The following OXR1 variants were observed in gnomAD, a reference collection of about 807,000 sequenced individuals.
The protein encoded by OXR1 is oxidation resistance 1, also known as oxidation resistance protein 1.
A neutral mutation model predicts 104.6 loss-of-function variants in OXR1; 41 were observed. That is an observed-to-expected ratio of 0.39 (90% CI 0.31 to 0.51). The LOEUF is 0.51. Ranked by LOEUF, OXR1 falls within the 20% of genes least tolerant of loss-of-function variation. The probability of loss-of-function intolerance (pLI) is 0.77; values close to 1 mark genes in which losing one functional copy is unlikely to be tolerated. For missense variants in OXR1, 955 were observed against 1,031.9 expected, an observed-to-expected ratio of 0.93 and a Z score of 1.02; for synonymous variants, 348 against 348.4, an observed-to-expected ratio of 1.00 and a Z score of 0.01.
chr8:106,432,950 A>G (rs1038328473), intron 2 of OXR1, among the ~76,000 whole-genome samples: 2 of 152,142 alleles, frequency 1.3e-5, no homozygotes, highest in Non-Finnish European at 2.9e-5. Context: ...TCTCATGTCA[A>G]AGTATGTCCA....
intron 1 of OXR1, among the ~76,000 whole-genome samples, chr8:106,323,813 C>T (rs1814335708): frequency 6.6e-6 from 1 of 152,076 alleles, no homozygotes; most frequent in African/African-American, 2.4e-5. Flanking sequence ...CAATGAGATA[C>T]CATCTCATGC....
Position 106,716,420 on chromosome 8 carries a change from C to T in OXR1, c.1956+2435C>T, listed in dbSNP as rs1400968459. On this transcript the variant is annotated intron_variant, in intron 11 of 16. Coordinates refer to ENST00000517566, the MANE Select transcript of OXR1 (RefSeq NM_001198533.2). Reference sequence around the variant, plus strand: ...CGGGTGGATCATGAGGTCAGGAGATCGAGACCATCCTGGCTAACAAGGTGA... The same window carrying T: ...CGGGTGGATCATGAGGTCAGGAGATTGAGACCATCCTGGCTAACAAGGTGA... Among the ~76,000 whole-genome samples, 3 of 28,296 alleles carry T rather than the reference C, an allele frequency of 1.1e-4. 1 individual carries two copies. Among genetic ancestry groups the T allele is most frequent in the African/African-American group, 8.3e-4 (3 of 3,600 alleles). The allele number at this position is 28,296 out of a possible 152,430, so 18.6% of individuals were successfully genotyped here.
chr8:106,352,095 C>G (rs1174169420), intron 1 of OXR1, among the ~76,000 whole-genome samples: 1 of 151,936 alleles, frequency 6.6e-6, no homozygotes, highest in Non-Finnish European at 1.5e-5. Context: ...TATTAGATGA[C>G]AGCTAAACTG....
intron 3 of OXR1, chr8:106,658,253 C>G: frequency 8.1e-7 from 1 of 1,227,098 alleles, no homozygotes; most frequent in Non-Finnish European, 1.0e-6. Context: ...AGGCGGCGGT[C>G]GTGGCGCCGG....
chr8:106,717,413 T>C (rs1587220334), intron 11 of OXR1, among the ~76,000 whole-genome samples: 1 of 152,292 alleles, frequency 6.6e-6, no homozygotes. Context: ...GAACTTGTTA[T>C]GGCTACCAAC....
At chr8:106,404,914 C>T (rs1287794415) in intron 2 of OXR1, among the ~76,000 whole-genome samples, 1 of 151,882 alleles carries the variant, frequency 6.6e-6, no homozygotes, top group Non-Finnish European at 1.5e-5. Context: ...ACCACGTTAA[C>T]CTGGATGGTC....
intron 3 of OXR1, chr8:106,618,264 T>C: frequency 8.9e-7 from 1 of 1,117,920 alleles, no homozygotes; most frequent in Non-Finnish European, 1.3e-6. Context: ...GGGCACACTT[T>C]ATGTTGCATT....
chr8:106,354,090 C>T (rs1001632751), intron 1 of OXR1, among the ~76,000 whole-genome samples: 1 of 150,018 alleles, frequency 6.7e-6, no homozygotes, highest in Non-Finnish European at 1.5e-5. Flanking sequence ...AATGTCCATT[C>T]AGGCCCTTTG....
intron 1 of OXR1, among the ~76,000 whole-genome samples, chr8:106,283,680 T>G (rs1812378719): frequency 6.6e-6 from 1 of 152,204 alleles, no homozygotes; most frequent in Admixed American, 6.5e-5. Flanking sequence ...TATTTACAAT[T>G]AGATACATAC....
At chr8:106,596,159 G>A (rs1040327446) in intron 3 of OXR1, among the ~76,000 whole-genome samples, 4 of 152,038 alleles carry the variant, frequency 2.6e-5, no homozygotes, top group African/African-American at 9.7e-5. Flanking sequence ...CAAAACAGAT[G>A]AAAGGGCTGG....
intron 1 of OXR1, among the ~76,000 whole-genome samples, chr8:106,334,919 A>G (rs992694493): frequency 4.6e-5 from 7 of 152,194 alleles, no homozygotes; most frequent in Admixed American, 1.3e-4. Context: ...TGACTTCAAT[A>G]ACAGATGCAA....
chr8:106,294,343 G>A (rs572972851), intron 1 of OXR1, among the ~76,000 whole-genome samples: 38 of 141,708 alleles, frequency 2.7e-4, no homozygotes, highest in Middle Eastern at 7.9e-3. Flanking sequence ...GTTGTGGTGA[G>A]CCGAGATGCA....
intron 3 of OXR1, among the ~76,000 whole-genome samples, chr8:106,650,516 ACAGT>A (rs1458257214): frequency 6.6e-6 from 1 of 152,358 alleles, no homozygotes; most frequent in South Asian, 2.1e-4. Flanking sequence ...GAGCTGAATG[ACAGT>A]CAGATTGGCA....
At chr8:106,704,578 A>G (rs1017529818) in intron 8 of OXR1, among the ~76,000 whole-genome samples, 1 of 151,582 alleles carries the variant, frequency 6.6e-6, no homozygotes, top group Non-Finnish European at 1.5e-5. Flanking sequence ...TTGTATTTTT[A>G]GTAGAGACGG....
chr8:106,693,484 C>T (rs1227147308), intron 7 of OXR1, among the ~76,000 whole-genome samples: 1 of 134,782 alleles, frequency 7.4e-6, no homozygotes, highest in Non-Finnish European at 1.5e-5. Context: ...GGCTGGAGTG[C>T]AATGGCGTGA....
intron 11 of OXR1, among the ~76,000 whole-genome samples, chr8:106,728,746 G>A (rs894677659): frequency 3.9e-5 from 6 of 151,996 alleles, no homozygotes; most frequent in Admixed American, 3.9e-4. Flanking sequence ...TACCTTGTTA[G>A]TGTCTGTCAA....
intron 3 of OXR1, among the ~76,000 whole-genome samples, chr8:106,542,028 A>C (rs1285664832): frequency 2.0e-5 from 3 of 152,212 alleles, no homozygotes; most frequent in South Asian, 2.1e-4. Flanking sequence ...TTGAGAGCCC[A>C]GTTAGTAACC....
chr8:106,377,307 C>T (rs1412739990), intron 2 of OXR1, among the ~76,000 whole-genome samples: 2 of 151,890 alleles, frequency 1.3e-5, no homozygotes, highest in Admixed American at 6.6e-5. Flanking sequence ...CTCAGTCTCC[C>T]CGGTAGATGG....
chr8:106,331,209 A>T (rs1814700411), intron 1 of OXR1, among the ~76,000 whole-genome samples: 1 of 152,178 alleles, frequency 6.6e-6, no homozygotes, highest in Non-Finnish European at 1.5e-5. Context: ...CCCCAAGTAA[A>T]CAAACATCTC....
Sources: allele counts gnomAD v4.1 joint callset (sites outside exome capture counted in the v4.1 genomes callset), GRCh38; gene constraint gnomAD v4.1.1; transcripts MANE v1.5; gene names NCBI Gene and HGNC (gene_info 2026-07-23, HGNC 2026-07-21).